Variants in NIPSNAP2 observed in about 807,000 individuals in gnomAD.
The protein encoded by NIPSNAP2 is protein NipSnap homolog 2.
NIPSNAP2 carries 42 observed loss-of-function variants against 48.4 expected under a neutral mutation model. That is an observed-to-expected ratio of 0.87 (90% CI 0.68 to 1.12). The LOEUF is 1.12. Ranked by LOEUF, NIPSNAP2 falls within the 50% of genes most tolerant of loss-of-function variation. The pLI, the probability that NIPSNAP2 is intolerant of heterozygous loss-of-function variation, is 0.00. For synonymous variants in NIPSNAP2, 158 were observed against 126.6 expected (o/e 1.25, Z -1.67); for missense variants, 314 against 347.3 (o/e 0.90, Z 0.76).
chr7:55,978,063 C>G (rs759090814), intron 1 of NIPSNAP2, 63 bp from the exon 2 acceptor site: 97 of 1,576,698 alleles, frequency 6.2e-5, no homozygotes, highest in Non-Finnish European at 8.4e-5. Flanking sequence ...CTGTGTTTGC[C>G]AGATTAACTG....
chr7:55,993,575 TAA>T (rs11317055), intron 7 of NIPSNAP2, among the ~76,000 whole-genome samples: 274 of 120,986 alleles, frequency 2.3e-3, no homozygotes, highest in Middle Eastern at 4.5e-3. Context: ...AGACTCCATC[TAA>T]AAAAAAAAAA....
chr7:55,982,396 A>G (rs1787232979), intron 5 of NIPSNAP2, 116 bp downstream of exon 5: 1 of 652,444 alleles, frequency 1.5e-6, no homozygotes, highest in Non-Finnish European at 2.7e-6. Context: ...TGTAACAGAA[A>G]TTTTATTGTT....
At position 55,981,582 on chromosome 7, in the gene NIPSNAP2, CTT is replaced by C. The variant is rs768870783; in HGVS notation, c.373+17_373+18del. ...GGACCAAGCTGGTAGGAAGCGAAGTCTTTGGAATAAACACTTCTTCCTTAAGC... is the reference window on the plus strand; with the variant it reads ...GGACCAAGCTGGTAGGAAGCGAAGTCTGGAATAAACACTTCTTCCTTAAGC... On this transcript the variant is annotated intron_variant, in intron 4 of 9. Transcript: ENST00000322090. 2.5e-6 allele frequency: 4 copies of C among 1,582,412 alleles called. No homozygotes were observed. The highest frequency in any genetic ancestry group is 1.7e-4 in the Middle Eastern group (1 of 5,996).
chr7:55,990,849 G>A (rs780823074), intron 7 of NIPSNAP2, among the ~76,000 whole-genome samples: 78 of 149,760 alleles, frequency 5.2e-4, no homozygotes, highest in Non-Finnish European at 1.0e-3. Context: ...GTGCAGTGGC[G>A]CAGTCTCGGC....
chr7:55,987,785 T>G (rs1787362160), intron 7 of NIPSNAP2, among the ~76,000 whole-genome samples: 1 of 152,010 alleles, frequency 6.6e-6, no homozygotes, highest in Non-Finnish European at 1.5e-5. Flanking sequence ...AGTGGAAAGG[T>G]GGTTGCCGGG....
intron 7 of NIPSNAP2, among the ~76,000 whole-genome samples, chr7:55,987,617 A>G (rs1787358654): frequency 6.6e-6 from 1 of 152,126 alleles, no homozygotes; most frequent in South Asian, 2.1e-4. Flanking sequence ...ACAGAGCGAG[A>G]CTTCATCCCC....
At chr7:55,994,493 A>C (rs1787518383) in intron 7 of NIPSNAP2, among the ~76,000 whole-genome samples, 1 of 152,102 alleles carries the variant, frequency 6.6e-6, no homozygotes, top group East Asian at 1.9e-4. Context: ...CGGGCGGATT[A>C]CTTGAGGTCA....
intron 2 of NIPSNAP2, 22 bp from the exon 3 acceptor site, chr7:55,978,328 G>C (rs140053997): frequency 1.2e-6 from 2 of 1,612,818 alleles, no homozygotes; most frequent in African/African-American, 1.3e-5. Context: ...TAAGTTTATC[G>C]TTGAATTTTC....
In NIPSNAP2 at chr7:55,981,551, C is replaced by T. The variant is rs1385050119; in HGVS notation, c.357C>T (p.Gly119=). The change falls in exon 4 of 10, where the codon GGC becomes GGT. Residue 119 remains glycine, a synonymous_variant. Coordinates refer to ENST00000322090, the MANE Select transcript of NIPSNAP2 (RefSeq NM_001483.3). ...TLVGTWNTWY[G]EQDQAVHLWR... ...TGGGGACTTGGAACACGTGGTATGG[C>T]GAGCAGGACCAAGCTGGTAGGAAGC... The T allele has an allele frequency of 5.6e-6, 9 of 1,613,144 alleles. No individual in the cohort carries two copies. Among genetic ancestry groups the T allele is most frequent in the African/African-American group, 2.7e-5 (2 of 74,872 alleles).
Position 55,978,305 on chromosome 7 carries a change from T to TC in NIPSNAP2, c.233-41dup, listed in dbSNP as rs756854338. 2.7e-5 allele frequency: 44 copies of TC among 1,613,312 alleles called. No individual in the cohort carries two copies. In the African/African-American group the frequency reaches 5.1e-4, roughly 19 times the overall value. Reference sequence around the variant, plus strand: ...TGCTATCTTCATAGTTGACTTTTTTTCCCCTTTGTTCCTAAGTTTATCGTT... The same window carrying TC: ...TGCTATCTTCATAGTTGACTTTTTTTCCCCCTTTGTTCCTAAGTTTATCGTT... On this transcript the variant is annotated intron_variant, in intron 2 of 9. Transcript: ENST00000322090.
At position 55,981,486 on chromosome 7, in the gene NIPSNAP2, C is replaced by T; in HGVS notation, c.292C>T (p.Pro98Ser). Residue 98 changes from proline (P) to serine (S), a missense_variant, in exon 4 of 10, where the codon CCA (proline) becomes TCA (serine). Coordinates refer to ENST00000322090, the MANE Select transcript of NIPSNAP2 (RefSeq NM_001483.3). The part of the protein sequence containing the change: ...AYNKICQEVL[P>S]KIHEDKHYPC... ...CTTCTCTTTAAGTCAAGAGGTGTTG[C>T]CAAAGATTCACGAAGATAAACACTA... The T allele has an allele frequency of 6.2e-7, 1 of 1,613,490 alleles. No individual in the cohort carries two copies. The highest frequency in any genetic ancestry group is 8.5e-7 in the Non-Finnish European group (1 of 1,179,674).
chr7:55,991,153 C>T (rs551043847), intron 7 of NIPSNAP2, among the ~76,000 whole-genome samples: 4 of 152,174 alleles, frequency 2.6e-5, no homozygotes, highest in South Asian at 4.2e-4. Context: ...TTCTAAGATC[C>T]CTTCTGTCTC....
At chr7:55,990,100 ATT>A (rs907556855) in intron 7 of NIPSNAP2, among the ~76,000 whole-genome samples, 4 of 152,112 alleles carry the variant, frequency 2.6e-5, no homozygotes, top group Non-Finnish European at 5.9e-5. Context: ...TATATATATA[ATT>A]TTGAAACATT....
At chr7:55,993,705 A>G (rs1268382782) in intron 7 of NIPSNAP2, among the ~76,000 whole-genome samples, 2 of 151,944 alleles carry the variant, frequency 1.3e-5, no homozygotes, top group African/African-American at 2.4e-5. Flanking sequence ...ACGCCGCTGC[A>G]CTCCAGCCTG....
At chr7:55,970,112 GCTT>G (rs1210391851) in intron 1 of NIPSNAP2, among the ~76,000 whole-genome samples, 1 of 151,552 alleles carries the variant, frequency 6.6e-6, no homozygotes, top group Non-Finnish European at 1.5e-5. Flanking sequence ...GCACTCACAA[GCTT>G]CTTCTGAATG....
At chr7:55,990,717 C>T (rs900871036) in intron 7 of NIPSNAP2, among the ~76,000 whole-genome samples, 3 of 152,016 alleles carry the variant, frequency 2.0e-5, no homozygotes, top group Non-Finnish European at 4.4e-5. Context: ...TGACAGCTCT[C>T]ACCTTGAAAA....
chr7:55,992,797 G>A (rs2116373280), intron 7 of NIPSNAP2, among the ~76,000 whole-genome samples: 1 of 152,260 alleles, frequency 6.6e-6, no homozygotes, highest in Admixed American at 6.5e-5. Context: ...GTGTGGTATG[G>A]ATTTACTGGG....
At chr7:55,972,881 T>C (rs1584339784) in intron 1 of NIPSNAP2, among the ~76,000 whole-genome samples, 1 of 152,080 alleles carries the variant, frequency 6.6e-6, no homozygotes, top group Non-Finnish European at 1.5e-5. Flanking sequence ...GGCAGGCAGG[T>C]CACTTGAGCT....
intron 7 of NIPSNAP2, among the ~76,000 whole-genome samples, chr7:55,993,471 C>G (rs903100354): frequency 6.6e-6 from 1 of 151,064 alleles, no homozygotes; most frequent in South Asian, 2.1e-4. Flanking sequence ...CCCAGCTACT[C>G]GGGAGGTTGA....
Sources: allele counts gnomAD v4.1 joint callset (sites outside exome capture counted in the v4.1 genomes callset), GRCh38; gene constraint gnomAD v4.1.1; transcripts MANE v1.5; gene names NCBI Gene and HGNC (gene_info 2026-07-23, HGNC 2026-07-21).